Variants in PRKCA observed in about 807,000 individuals in gnomAD.
PRKCA encodes the protein protein kinase C alpha, also known as protein kinase C alpha type.
Under a neutral mutation model 87.0 loss-of-function variants are expected in PRKCA, and 27 were observed. The observed-to-expected ratio is 0.31, with a 90% CI of 0.23 to 0.43. The LOEUF (loss-of-function observed/expected upper bound fraction) is 0.43, where lower values mean the gene tolerates loss of function less well. PRKCA is among the 20% of genes least tolerant of loss of function. The probability of loss-of-function intolerance (pLI) is 1.00; values close to 1 mark genes in which losing one functional copy is unlikely to be tolerated. For missense variants in PRKCA, 518 were observed against 852.3 expected, an observed-to-expected ratio of 0.61 and a Z score of 4.88; for synonymous variants, 329 against 311.1, an observed-to-expected ratio of 1.06 and a Z score of -0.61.
Position 66,308,333 on chromosome 17 carries a change from C to T in PRKCA, c.205+2206C>T, listed in dbSNP as rs192778124. Among the ~76,000 whole-genome samples the T allele has an allele frequency of 5.6e-4, 85 of 152,140 alleles. 1 individual carries two copies. Among genetic ancestry groups the T allele is most frequent in the South Asian group, 5.0e-3 (24 of 4,820 alleles). ...TACATCTTTTACATTTTTTACCAAT[C>T]TGGTAGGTGAAAAGGGGCCCCTCTT... On this transcript the variant is annotated intron_variant, in intron 2 of 16. Transcript: ENST00000413366.
intron 3 of PRKCA, among the ~76,000 whole-genome samples, chr17:66,628,853 C>T (rs918826458): frequency 1.3e-5 from 2 of 152,022 alleles, no homozygotes; most frequent in African/African-American, 4.8e-5. Flanking sequence ...ATGGAGAAAC[C>T]CCGTCTCTAC....
intron 3 of PRKCA, among the ~76,000 whole-genome samples, chr17:66,581,574 C>G (rs1040886693): frequency 6.6e-6 from 1 of 152,182 alleles, no homozygotes; most frequent in African/African-American, 2.4e-5. Context: ...CTCCTGGGTT[C>G]ATGCCATTCT....
intron 2 of PRKCA, among the ~76,000 whole-genome samples, chr17:66,452,812 C>A (rs749133378): frequency 6.6e-6 from 1 of 152,138 alleles, no homozygotes; most frequent in Non-Finnish European, 1.5e-5. Flanking sequence ...TGCAGTGAGC[C>A]GAGATGGCAC....
intron 8 of PRKCA, among the ~76,000 whole-genome samples, chr17:66,707,492 C>T (rs563840217): frequency 5.3e-5 from 8 of 152,294 alleles, no homozygotes; most frequent in South Asian, 2.1e-4. Context: ...TTTAGAGCCA[C>T]GAGAACCTCC....
intron 14 of PRKCA, among the ~76,000 whole-genome samples, chr17:66,784,841 C>T (rs1245513384): frequency 6.6e-6 from 1 of 152,116 alleles, no homozygotes; most frequent in African/African-American, 2.4e-5. Context: ...AGGTGGCCGT[C>T]GGCAGCCTGC....
intron 2 of PRKCA, among the ~76,000 whole-genome samples, chr17:66,472,884 T>G (rs1220103421): frequency 6.6e-6 from 1 of 152,182 alleles, no homozygotes; most frequent in Non-Finnish European, 1.5e-5. Flanking sequence ...CGAACTTGCC[T>G]AATTTGTGGA....
chr17:66,595,449 A>C (rs9915009), intron 3 of PRKCA, among the ~76,000 whole-genome samples: 82,750 of 142,518 alleles, frequency 0.58, 25,549 homozygotes, highest in African/African-American at 0.79. Context: ...ACTCTATTTT[A>C]TTTTCTTTTC....
intron 3 of PRKCA, among the ~76,000 whole-genome samples, chr17:66,568,978 A>G (rs982253355): frequency 7.2e-5 from 11 of 152,292 alleles, no homozygotes; most frequent in Admixed American, 3.3e-4. Context: ...AGGCTGGTCA[A>G]TAGGATATCT....
chr17:66,388,608 T>G (rs773396081), intron 2 of PRKCA, among the ~76,000 whole-genome samples: 8 of 152,140 alleles, frequency 5.3e-5, no homozygotes, highest in Non-Finnish European at 1.0e-4. Context: ...ACTTAGCTCT[T>G]ATTGGCCATA....
intron 3 of PRKCA, among the ~76,000 whole-genome samples, chr17:66,636,905 T>A (rs1428968668): frequency 6.6e-6 from 1 of 152,186 alleles, no homozygotes; most frequent in Non-Finnish European, 1.5e-5. Context: ...TAAACAAAGA[T>A]CCTGGTTATT....
At chr17:66,631,646 G>A (rs1186552361) in intron 3 of PRKCA, among the ~76,000 whole-genome samples, 1 of 152,088 alleles carries the variant, frequency 6.6e-6, no homozygotes, top group African/African-American at 2.4e-5. Flanking sequence ...TTTAAAAGTT[G>A]TGCAGGGTGA....
At chr17:66,687,301 T>G in intron 6 of PRKCA, 34 bp downstream of exon 6, 1 of 1,590,726 alleles carries the variant, frequency 6.3e-7, no homozygotes, top group South Asian at 1.1e-5. Context: ...ATTTCATTCC[T>G]ATACACCATG....
At position 66,610,969 on chromosome 17, in the gene PRKCA, G is replaced by A. The variant is rs185210947; in HGVS notation, c.289-30386G>A. ...AGTTGGGCTTCAGAACAAAGAACAA[G>A]GACATTACAAGTTAAACCCTTTGAA... On this transcript the variant is annotated intron_variant, in intron 3 of 16. Coordinates refer to ENST00000413366, the MANE Select transcript of PRKCA (RefSeq NM_002737.3). Among the ~76,000 whole-genome samples the A allele has an allele frequency of 2.0e-5, 3 of 152,050 alleles. No homozygotes were observed. The East Asian group carries it at 5.8e-4, about 29-fold the overall frequency.
chr17:66,362,132 T>C (rs1268269410), intron 2 of PRKCA, among the ~76,000 whole-genome samples: 1 of 152,004 alleles, frequency 6.6e-6, no homozygotes, highest in Non-Finnish European at 1.5e-5. Flanking sequence ...GCCTCCCGGG[T>C]TCAAGCGATT....
intron 2 of PRKCA, among the ~76,000 whole-genome samples, chr17:66,319,394 C>T (rs544751948): frequency 6.6e-5 from 10 of 152,168 alleles, no homozygotes; most frequent in South Asian, 2.1e-4. Context: ...CTGACTTACC[C>T]GTTGGTGAAG....
chr17:66,668,717 G>A (rs530855276), intron 5 of PRKCA, among the ~76,000 whole-genome samples: 1 of 152,226 alleles, frequency 6.6e-6, no homozygotes, highest in African/African-American at 2.4e-5. Context: ...GGAGATAAAG[G>A]GATAGTATCA....
At chr17:66,502,749 G>T (rs886741110) in intron 3 of PRKCA, among the ~76,000 whole-genome samples, 3 of 152,064 alleles carry the variant, frequency 2.0e-5, no homozygotes, top group African/African-American at 7.2e-5. Context: ...CCGCCTCCTG[G>T]GTTCACGCCA....
intron 2 of PRKCA, among the ~76,000 whole-genome samples, chr17:66,322,399 T>C (rs111594661): frequency 2.8e-4 from 42 of 152,350 alleles, no homozygotes; most frequent in African/African-American, 9.9e-4. Context: ...GTTAAATGGC[T>C]ACATGTAGCT....
intron 2 of PRKCA, among the ~76,000 whole-genome samples, chr17:66,462,447 T>C (rs1301390520): frequency 1.3e-5 from 2 of 152,212 alleles, no homozygotes; most frequent in Non-Finnish European, 2.9e-5. Context: ...ATGTAGCAGT[T>C]CCATTTTTCT....
Sources: allele counts gnomAD v4.1 joint callset (sites outside exome capture counted in the v4.1 genomes callset), GRCh38; gene constraint gnomAD v4.1.1; transcripts MANE v1.5; gene names NCBI Gene and HGNC (gene_info 2026-07-23, HGNC 2026-07-21).